Variants in DAPK2 observed in about 807,000 individuals in gnomAD.
DAPK2 encodes death-associated protein kinase 2.
DAPK2 carries 35 observed loss-of-function variants against 44.1 expected under a neutral mutation model. That is an observed-to-expected ratio of 0.79 (90% CI 0.61 to 1.05). The LOEUF (loss-of-function observed/expected upper bound fraction) is 1.05. DAPK2 is among the 50% of genes least tolerant of loss of function. DAPK2 has a pLI of 0.00. For missense variants in DAPK2, 453 were observed against 483.2 expected, an observed-to-expected ratio of 0.94 and a Z score of 0.59; for synonymous variants, 174 against 182.6, an observed-to-expected ratio of 0.95 and a Z score of 0.38.
chr15:63,971,544 A>G, exon 3 of DAPK2: 2 of 1,614,044 alleles, frequency 1.2e-6, no homozygotes, highest in Non-Finnish European at 1.7e-6. Flanking sequence ...GAAATCGAAG[A>G]GCTCTCCTCC....
exon 2 of DAPK2, chr15:63,983,637 C>G (rs754998016): frequency 7.6e-5 from 123 of 1,614,050 alleles, no homozygotes; most frequent in Non-Finnish European, 1.0e-4. Context: ...CCCGCTCGAT[C>G]TCCTCCCGGC....
At chr15:63,920,967 G>A (rs960690421) in intron 8 of DAPK2, 1 of 152,300 alleles carries the variant, frequency 6.6e-6, no homozygotes, top group Admixed American at 6.5e-5. Flanking sequence ...ACTGCTTCAG[G>A]ACGCTTCCCC....
intron 1 of DAPK2, among the ~76,000 whole-genome samples, chr15:64,030,795 C>A (rs945738095): frequency 6.6e-6 from 1 of 152,076 alleles, no homozygotes; most frequent in African/African-American, 2.4e-5. Context: ...CAGTAAGACA[C>A]CCGTCTCTAC....
At chr15:63,969,287 G>T (rs966041490) in intron 3 of DAPK2, among the ~76,000 whole-genome samples, 1 of 152,000 alleles carries the variant, frequency 6.6e-6, no homozygotes, top group African/African-American at 2.4e-5. Flanking sequence ...GGCCATGGTG[G>T]CATGTTTCTG....
intron 4 of DAPK2, among the ~76,000 whole-genome samples, chr15:63,932,931 A>G (rs2140397216): frequency 6.6e-6 from 1 of 152,330 alleles, no homozygotes; most frequent in Admixed American, 6.5e-5. Context: ...ACGGTAATCC[A>G]TCGTGTGAAT....
chr15:64,023,137 G>C (rs12442060), intron 1 of DAPK2, among the ~76,000 whole-genome samples: 88,629 of 152,008 alleles, frequency 0.58, 26,548 homozygotes, highest in East Asian at 0.79. Context: ...GGGGCGATGT[G>C]GAGGAGGGTG....
intron 2 of DAPK2, 32 bp downstream of exon 3, chr15:63,983,501 C>A: frequency 6.2e-7 from 1 of 1,605,360 alleles, no homozygotes; most frequent in Non-Finnish European, 8.5e-7. Flanking sequence ...CTGCTGCCCC[C>A]CAACCCTGTG....
At chr15:63,962,313 T>C (rs28781312) in intron 3 of DAPK2, among the ~76,000 whole-genome samples, 2 of 152,192 alleles carry the variant, frequency 1.3e-5, no homozygotes, top group African/African-American at 4.8e-5. Flanking sequence ...CAGAGAAGTT[T>C]GTTATTACCG....
intron 1 of DAPK2, 144 bp from the exon 3 acceptor site, chr15:63,983,898 A>G: frequency 1.3e-6 from 1 of 757,172 alleles, no homozygotes; most frequent in Non-Finnish European, 2.2e-6. Context: ...TCCCCACCTG[A>G]TGACAACCTG....
At chr15:63,991,611 T>C (rs1231559806) in intron 1 of DAPK2, among the ~76,000 whole-genome samples, 3 of 152,030 alleles carry the variant, frequency 2.0e-5, no homozygotes, top group East Asian at 1.9e-4. Context: ...CCCCCACCCA[T>C]GAGGCCTAAA....
At chr15:63,971,950 AC>A (rs34628679) in intron 2 of DAPK2, among the ~76,000 whole-genome samples, 2 of 152,206 alleles carry the variant, frequency 1.3e-5, no homozygotes, top group Admixed American at 6.5e-5. Context: ...TGAAATTCTA[AC>A]CCCCAAGGTG....
At chr15:63,989,188 C>CAAAAAAAAAA (rs55972299) in intron 1 of DAPK2, among the ~76,000 whole-genome samples, 1 of 109,842 alleles carries the variant, frequency 9.1e-6, no homozygotes, top group African/African-American at 3.8e-5. Flanking sequence ...ACTTTGTCTC[C>CAAAAAAAAAA]AAAAAAAAAA....
chr15:63,937,300 A>G (rs2077187736), intron 4 of DAPK2, among the ~76,000 whole-genome samples: 1 of 152,222 alleles, frequency 6.6e-6, no homozygotes, highest in African/African-American at 2.4e-5. Context: ...GTTGAGTGAC[A>G]ACATGCCAGT....
intron 1 of DAPK2, among the ~76,000 whole-genome samples, chr15:64,014,240 A>G (rs1314145698): frequency 6.6e-6 from 1 of 152,214 alleles, no homozygotes; most frequent in Non-Finnish European, 1.5e-5. Context: ...AGGGAATGGG[A>G]TCTCTGACCC....
At chr15:64,041,803 GC>G (rs907296452), upstream of DAPK2, among the ~76,000 whole-genome samples, 2 of 152,080 alleles carry the variant, frequency 1.3e-5, no homozygotes, top group Non-Finnish European at 2.9e-5. Flanking sequence ...CACCACTTTA[GC>G]CCCCTGCAAA....
intron 8 of DAPK2, chr15:63,920,449 G>C (rs955092447): frequency 6.6e-6 from 1 of 152,116 alleles, no homozygotes; most frequent in Non-Finnish European, 1.5e-5. Context: ...GGGGTAGAGA[G>C]AGTTTCCTAT....
chr15:63,939,145 C>A lies in DAPK2; in HGVS notation c.583+87G>T. On this transcript the variant is annotated intron_variant, in intron 4 of 10. Transcript: ENST00000261891. This position sits in a 1 kb window ranked among gnomAD's most constrained non-coding sequence, Gnocchi z 4.3. ...AATGCATCATCTCTTTGCTCAGAGG[C>A]CATAGCCCCAGACACAGGTTTCTTC... 1 of 1,570,340 alleles carries A rather than the reference C, an allele frequency of 6.4e-7. No homozygotes were observed. The highest frequency in any genetic ancestry group is 8.6e-7 in the Non-Finnish European group (1 of 1,160,182).
chr15:63,959,820 T>G (rs944888888), intron 3 of DAPK2, among the ~76,000 whole-genome samples: 3 of 152,192 alleles, frequency 2.0e-5, no homozygotes, highest in African/African-American at 4.8e-5. Flanking sequence ...AATTCTCTTT[T>G]TTGTTGTGTC....
At chr15:64,036,319 G>GTATATATATATATATATATATATGTATA in intron 1 of DAPK2, among the ~76,000 whole-genome samples, 1 of 56,662 alleles carries the variant, frequency 1.8e-5, no homozygotes, top group Non-Finnish European at 4.0e-5. Context: ...GTATATATAT[G>GTATATATATATATATATATATATGTATA]TATATATATA....
Sources: gnomAD v4.1 joint callset for allele counts (sites outside exome capture counted in the v4.1 genomes callset) on GRCh38, gnomAD v4.1.1 for gene constraint, Gnocchi (gnomAD v3.1) non-coding constraint, MANE v1.5 for transcripts, NCBI Gene and HGNC (gene_info 2026-07-23, HGNC 2026-07-21) for gene names.